The following MZT2B variants were observed in gnomAD, a reference collection of about 807,000 sequenced individuals.
The protein encoded by MZT2B is mitotic spindle organizing protein 2B.
Under a neutral mutation model 12.1 loss-of-function variants are expected in MZT2B, and 11 were observed. That is an observed-to-expected ratio of 0.91 (90% CI 0.57 to 1.50). The LOEUF (loss-of-function observed/expected upper bound fraction) is 1.50, where lower values mean the gene tolerates loss of function less well. Ranked by LOEUF, MZT2B falls within the 40% of genes most tolerant of loss-of-function variation. The pLI is 0.00. For synonymous variants in MZT2B, 85 were observed against 109.5 expected (o/e 0.78, Z 1.40); for missense variants, 209 against 227.7 (o/e 0.92, Z 0.53).
At chr2:130,194,753 C>T (rs2313998), downstream of MZT2B, among the ~76,000 whole-genome samples, 5 of 152,270 alleles carry the variant, frequency 3.3e-5, 1 homozygote, top group South Asian at 4.1e-4. Flanking sequence ...TCTCAGCTCA[C>T]TGCAACCTCC....
At chr2:130,182,113 A>ATAAC, upstream of MZT2B, 1 of 1,317,582 alleles carries the variant, frequency 7.6e-7, no homozygotes, top group Non-Finnish European at 9.7e-7. Context: ...TGAGCGCCCA[A>ATAAC]TAACTGTTGG....
rs1690223722 is a variant in MZT2B, at chr2:130,190,497, G to A, written c.348G>A (p.Gly116=). 5 of 1,613,636 alleles carry A rather than the reference G, an allele frequency of 3.1e-6. No homozygotes were observed. Among genetic ancestry groups the A allele is most frequent in the African/African-American group, 1.3e-5 (1 of 74,930 alleles). ...GAAACAAAGGCAGCGCTGCCCTCGG[G>A]GGAGCATTGGCCCTGGCGGAACGCA... ...RGRNKGSAAL[G]GALALAERSS... is the part of the protein sequence containing the mutation. Residue 116 remains glycine (G), a synonymous_variant, in exon 3 of 3, where the codon GGG becomes GGA. Coordinates refer to ENST00000281871, the MANE Select transcript of MZT2B (RefSeq NM_025029.5).
the MZT2B span, chr2:130,196,052 T>C: frequency 1.0e-5 from 14 of 1,359,344 alleles, no homozygotes; most frequent in East Asian, 3.5e-4. Flanking sequence ...GTCTATCCCA[T>C]CCTTTCAGCA....
intron 2 of MZT2B, among the ~76,000 whole-genome samples, chr2:130,188,621 C>T (rs1225342325): frequency 1.3e-5 from 2 of 152,184 alleles, no homozygotes; most frequent in South Asian, 2.1e-4. Flanking sequence ...GACAAGCTGA[C>T]AGAGTTCCAA....
the MZT2B span, chr2:130,202,259 G>C: frequency 8.1e-7 from 1 of 1,235,108 alleles, no homozygotes; most frequent in South Asian, 1.3e-5. Context: ...AGCTAACAAC[G>C]TTTACATATA....
downstream of MZT2B, chr2:130,194,026 G>C: frequency 6.2e-7 from 1 of 1,610,616 alleles, no homozygotes; most frequent in Non-Finnish European, 8.5e-7. Context: ...TGACTGGGGC[G>C]TAGGTGGCCA....
At chr2:130,201,434 T>C in the MZT2B span, among the ~76,000 whole-genome samples, 1 of 152,056 alleles carries the variant, frequency 6.6e-6, no homozygotes, top group African/African-American at 2.4e-5. Context: ...CACGGGGAGG[T>C]AGCATCCAAG....
intron 2 of MZT2B, chr2:130,183,484 G>A: frequency 2.0e-6 from 1 of 500,926 alleles, no homozygotes; most frequent in Non-Finnish European, 3.7e-6. Context: ...GTGTCATGGT[G>A]GAGCCTCTGT....
At chr2:130,182,113 A>T, upstream of MZT2B, 1 of 1,317,582 alleles carries the variant, frequency 7.6e-7, no homozygotes, top group Non-Finnish European at 9.7e-7. Flanking sequence ...TGAGCGCCCA[A>T]TAACTGTTGG....
At chr2:130,195,371 G>A (rs957377523), downstream of MZT2B, 3 of 1,292,484 alleles carry the variant, frequency 2.3e-6, no homozygotes, top group African/African-American at 3.0e-5. Context: ...GGCAGTGTCT[G>A]GTAGAAAATG....
At chr2:130,193,673 A>C, downstream of MZT2B, 1 of 1,368,216 alleles carries the variant, frequency 7.3e-7, no homozygotes, top group South Asian at 1.4e-5. Flanking sequence ...TTATGCCCAC[A>C]TGCCTAGCCC....
the MZT2B span, among the ~76,000 whole-genome samples, chr2:130,201,112 A>C: frequency 2.0e-5 from 3 of 152,214 alleles, no homozygotes; most frequent in African/African-American, 7.2e-5. Context: ...GAGGTCCAGG[A>C]GTTGAGACTT....
downstream of MZT2B, among the ~76,000 whole-genome samples, chr2:130,190,973 G>A (rs1398857937): frequency 6.6e-6 from 1 of 151,986 alleles, no homozygotes; most frequent in East Asian, 1.9e-4. Flanking sequence ...TTTTTGAAAT[G>A]GAGTCTTGCT....
At chr2:130,187,777 T>C (rs940075571) in intron 2 of MZT2B, among the ~76,000 whole-genome samples, 24 of 152,332 alleles carry the variant, frequency 1.6e-4, no homozygotes, top group Non-Finnish European at 2.1e-4. Flanking sequence ...CCACTAACCC[T>C]GAGAGCGCAC....
chr2:130,182,548 C>G, intron 1 of MZT2B, 79 bp from the exon 2 acceptor site: 2 of 1,562,056 alleles, frequency 1.3e-6, no homozygotes, highest in East Asian at 2.4e-5. Flanking sequence ...GAGCCCCCGC[C>G]CCCGTCCTTG....
chr2:130,202,760 G>A, the MZT2B span, among the ~76,000 whole-genome samples: 1 of 152,104 alleles, frequency 6.6e-6, no homozygotes, highest in Admixed American at 6.5e-5. Context: ...CCCCAGCCCC[G>A]CCCATTCTGA....
chr2:130,189,446 A>C (rs1274238620), intron 2 of MZT2B, among the ~76,000 whole-genome samples: 2 of 152,180 alleles, frequency 1.3e-5, no homozygotes, highest in Non-Finnish European at 2.9e-5. Context: ...GCACTTCCTC[A>C]GTCAGGACAA....
At chr2:130,193,864 T>C (rs1300246528), downstream of MZT2B, 1 of 1,614,170 alleles carries the variant, frequency 6.2e-7, no homozygotes, top group East Asian at 2.2e-5. Context: ...CATTGACGTC[T>C]TTGGGGACCA....
intron 2 of MZT2B, chr2:130,183,061 A>G (rs553691750): frequency 7.2e-6 from 4 of 553,790 alleles, no homozygotes; most frequent in African/African-American, 4.0e-5. Flanking sequence ...CCTTCATCCT[A>G]CAACGTCGGG....
Sources: allele counts gnomAD v4.1 joint callset (sites outside exome capture counted in the v4.1 genomes callset), GRCh38; gene constraint gnomAD v4.1.1; transcripts MANE v1.5; gene names NCBI Gene and HGNC (gene_info 2026-07-23, HGNC 2026-07-21).